UBE4A: variants seen among roughly 807,000 people sequenced by gnomAD.
UBE4A encodes ubiquitination factor E4A, also known as ubiquitin conjugation factor E4 A.
UBE4A carries 48 observed loss-of-function variants against 117.9 expected under a neutral mutation model. The ratio of observed to expected loss-of-function variants is 0.41; its 90% CI spans 0.32 to 0.52. UBE4A has a LOEUF of 0.52. Among genes scored for constraint, UBE4A ranks in the 20% least tolerant of loss-of-function variants. The pLI, the probability that UBE4A is intolerant of heterozygous loss-of-function variation, is 0.33. For synonymous variants in UBE4A, 407 were observed against 450.0 expected, an observed-to-expected ratio of 0.90 and a Z score of 1.21; for missense variants, 1,067 against 1,296.3, an observed-to-expected ratio of 0.82 and a Z score of 2.72.
At chr11:118,389,486 CAG>C (rs1555127844) in intron 16 of UBE4A, among the ~76,000 whole-genome samples, 1 of 152,146 alleles carries the variant, frequency 6.6e-6, no homozygotes, top group Non-Finnish European at 1.5e-5. Context: ...AAGATGTTAA[CAG>C]TGTTTATCTC....
chr11:118,375,031 G>T lies in UBE4A; in HGVS notation c.1252G>T (p.Ala418Ser). 6.2e-7 allele frequency: 1 copy of T among 1,614,154 alleles called. No individual in the cohort carries two copies. The highest frequency in any genetic ancestry group is 8.5e-7 in the Non-Finnish European group (1 of 1,179,996). Residue 418 changes from alanine (A) to serine (S), a missense_variant, in exon 9 of 20, where the codon GCC becomes TCC. Around this residue, in one of 3 missense-constraint regions of UBE4A, gnomAD observed 1,001 missense variants for 1,184.0 expected, o/e 0.85. Transcript: ENST00000252108. ...AAATGCAGGCCGCACCAAGATTTGGGCCAATCAGATGCCAGAAATCTTTTT... is the reference window on the plus strand; with the variant it reads ...AAATGCAGGCCGCACCAAGATTTGGTCCAATCAGATGCCAGAAATCTTTTT... ...HANAGRTKIW[A>S]NQMPEIFFQM...
At position 118,396,364 on chromosome 11, in the gene UBE4A, G is replaced by A. The variant is rs141017463; in HGVS notation, c.3125G>A (p.Arg1042Gln). ...AGTCCCCTCACCATGGACCAGATCC[G>A]GCCAAACACAGAACTAAAAGAAAAA... ...NRSPLTMDQI[R>Q]PNTELKEKIQ... is the part of the protein sequence containing the mutation. The change falls in exon 20 of 20, where the codon CGG becomes CAG. Residue 1042 changes from arginine (R) to glutamine (Q), a missense_variant. By Grantham distance (43) the Arg-to-Gln change is conservative. This residue lies in a region of UBE4A where 32 missense variants were observed against 34.5 expected (regional missense o/e 0.93). Transcript: ENST00000252108. The A allele has an allele frequency of 5.3e-5, 85 of 1,613,718 alleles. No individual in the cohort carries two copies. The highest frequency in any genetic ancestry group is 3.2e-4 in the African/African-American group (24 of 74,950).
intron 19 of UBE4A, among the ~76,000 whole-genome samples, chr11:118,393,138 C>T (rs45439496): frequency 4.6e-5 from 7 of 152,080 alleles, no homozygotes; most frequent in Admixed American, 2.6e-4. Flanking sequence ...AATTTCTGGC[C>T]GGGTGCAGTG....
chr11:118,371,531 A>C lies in UBE4A; in HGVS notation c.426A>C (p.Leu142Phe). ...CTTTATAGGCCCTCTTCGCTCGCTT[A>C]TTACTTCAAGATCCAGGCAACCACT... ...SNVEQALFAR[L>F]LLQDPGNHLI... The change falls in exon 5 of 20, where the codon TTA becomes TTC. Residue 142 changes from leucine (L) to phenylalanine (F), a missense_variant. Physicochemically the swap from Leu to Phe is conservative, Grantham distance 22. Around this residue, in one of 3 missense-constraint regions of UBE4A, gnomAD observed 1,001 missense variants for 1,184.0 expected, o/e 0.85. Transcript: ENST00000252108. 1 of 1,612,834 alleles carries C rather than the reference A, an allele frequency of 6.2e-7. No individual in the cohort carries two copies. Among genetic ancestry groups the C allele is most frequent in the South Asian group, 1.1e-5 (1 of 90,976 alleles).
At chr11:118,372,823 T>C in intron 6 of UBE4A, 157 bp downstream of exon 6, 7 of 1,149,688 alleles carry the variant, frequency 6.1e-6, no homozygotes, top group South Asian at 1.5e-5. Context: ...ACCAATAGAA[T>C]AAAGCTGGGC....
rs35460113 is a variant in UBE4A, at chr11:118,386,587, C to T, written c.2562C>T (p.Ile854=). The T allele has an allele frequency of 0.017, 27,234 of 1,583,156 alleles. 301 individuals carry two copies. The highest frequency in any genetic ancestry group is 0.02 in the Non-Finnish European group (23,914 of 1,168,732). ...ATAACATCATGTCCAATGAAACAATCGGTACCCTTGCCTTTCTCACATCAG... is the reference window on the plus strand; with the variant it reads ...ATAACATCATGTCCAATGAAACAATTGGTACCCTTGCCTTTCTCACATCAG... ...RFHNIMSNET[I]GTLAFLTSEI... Residue 854 remains isoleucine (I), a synonymous_variant, in exon 16 of 20, where the codon ATC becomes ATT. Coordinates refer to ENST00000252108, the MANE Select transcript of UBE4A (RefSeq NM_001204077.2).
At chr11:118,364,088 T>C (rs938106880) in intron 1 of UBE4A, among the ~76,000 whole-genome samples, 2 of 152,132 alleles carry the variant, frequency 1.3e-5, no homozygotes, top group African/African-American at 4.8e-5. Flanking sequence ...ACCCTTTGTC[T>C]CTTCCCACCC....
chr11:118,389,893 A>C lies in UBE4A; in HGVS notation c.2756A>C (p.Tyr919Ser), dbSNP rs1555127947. ...CTTGTATCAGATATCTGCACTATCT[A>C]CTTAAATCTTGGGTACCTGAGATTG... Reference protein sequence around the residue: ...QQLVSDICTIYLNLGDEENFC... With the variant: ...QQLVSDICTISLNLGDEENFC... The change falls in exon 17 of 20, where the codon TAC becomes TCC. Residue 919 changes from tyrosine to serine, a missense_variant. Physicochemically the swap from Tyr to Ser is moderately radical, Grantham distance 144. Coordinates refer to ENST00000252108, the MANE Select transcript of UBE4A (RefSeq NM_001204077.2). 3 of 1,589,474 alleles carry C rather than the reference A, an allele frequency of 1.9e-6. No homozygotes were observed. In the Admixed American group the frequency reaches 5.0e-5, roughly 27 times the overall value.
chr11:118,375,539 T>C (rs1555125254), intron 9 of UBE4A, among the ~76,000 whole-genome samples: 1 of 151,604 alleles, frequency 6.6e-6, no homozygotes, highest in African/African-American at 2.4e-5. Flanking sequence ...TTGTGTATTT[T>C]TAATAGAGAC....
rs782759362 is a variant in UBE4A at position 118,384,825 on chromosome 11, C to T, written c.2299-7C>T. ...AAAATGGTTTTCTTGTGGGCTGGGA[C>T]TTACAGGATTTGGCTGACTATGCCT... On this transcript the variant is annotated splice_region_variant and splice_polypyrimidine_tract_variant and intron_variant, in intron 14 of 19. Transcript: ENST00000252108. 22 of 1,613,004 alleles carry T rather than the reference C, an allele frequency of 1.4e-5. No homozygotes were observed. The highest frequency in any genetic ancestry group is 5.0e-5 in the Admixed American group (3 of 59,898).
chr11:118,373,792 C>G, intron 8 of UBE4A, 107 bp downstream of exon 8: 2 of 1,324,354 alleles, frequency 1.5e-6, no homozygotes, highest in Non-Finnish European at 2.0e-6. Context: ...GCAAATTGAT[C>G]TAGTTGGCTT....
intron 13 of UBE4A, among the ~76,000 whole-genome samples, chr11:118,383,694 G>A (rs1160349424): frequency 2.0e-5 from 3 of 150,264 alleles, no homozygotes; most frequent in Admixed American, 2.0e-4. Flanking sequence ...CAGTAAATAA[G>A]ATATGTTAAG....
At chr11:118,369,669 A>C in intron 4 of UBE4A, 134 bp downstream of exon 4, 1 of 605,722 alleles carries the variant, frequency 1.7e-6, no homozygotes, top group East Asian at 2.9e-5. Context: ...TTTTTTTACC[A>C]GTAGAAGGCC....
In UBE4A at chr11:118,384,947, T is replaced by TTTA; in HGVS notation, c.2412+2_2412+3insTTA. On this transcript the variant is annotated splice_region_variant and intron_variant, in intron 15 of 19. Coordinates refer to ENST00000252108, the MANE Select transcript of UBE4A (RefSeq NM_001204077.2). ...TTCCTTTTGGATGAAGCCATACAGGTAAAAAAAAAAAAAAAAAAAAAGATT... is the reference window on the plus strand; with the variant it reads ...TTCCTTTTGGATGAAGCCATACAGGTTTAAAAAAAAAAAAAAAAAAAAAAGATT... The TTTA allele has an allele frequency of 9.4e-7, 1 of 1,066,278 alleles. No individual in the cohort carries two copies. Among genetic ancestry groups the TTTA allele is most frequent in the Non-Finnish European group, 1.3e-6 (1 of 774,994 alleles). The allele number at this position is 1,066,278 out of a possible 1,614,324, so 66.1% of individuals were successfully genotyped here.
At position 118,396,301 on chromosome 11, in the gene UBE4A, C is replaced by G. The variant is rs782209972; in HGVS notation, c.3075-13C>G. ...TGGAAATAACCCTATTTCCCTTTCT[C>G]TCTTTGTCCCAGTGACCAAACAGAT... On this transcript the variant is annotated splice_polypyrimidine_tract_variant and intron_variant, in intron 19 of 19. Coordinates refer to ENST00000252108, the MANE Select transcript of UBE4A (RefSeq NM_001204077.2). 1.2e-6 allele frequency: 2 copies of G among 1,608,192 alleles called. No individual in the cohort carries two copies. The highest frequency in any genetic ancestry group is 1.7e-6 in the Non-Finnish European group (2 of 1,178,056).
intron 2 of UBE4A, among the ~76,000 whole-genome samples, chr11:118,367,518 C>CTT (rs36110679): frequency 1.5e-4 from 19 of 123,286 alleles, no homozygotes; most frequent in Non-Finnish European, 1.7e-4. Context: ...TAAATGTTAA[C>CTT]TTTTTTTTTT....
intron 11 of UBE4A, 48 bp from the exon 12 acceptor site, chr11:118,381,343 C>A: frequency 6.2e-7 from 1 of 1,606,086 alleles, no homozygotes. Flanking sequence ...TTTATTAGTA[C>A]AGATATACAG....
chr11:118,381,401 A>C lies in UBE4A; in HGVS notation c.1887A>C (p.Ala629=). Residue 629 remains alanine, a synonymous_variant, in exon 12 of 20, where the codon GCA becomes GCC. Transcript: ENST00000252108. ...TATTTTCTTTTTCAGAATTTTTTGC[A>C]GATAACCTGGGTGATTTTCTCATTT... is the stretch of plus-strand genomic sequence containing the variant. ...SSLAYVPEFF[A]DNLGDFLIFL... is the part of the protein sequence containing the mutation. 3.1e-6 allele frequency: 5 copies of C among 1,613,902 alleles called. No individual in the cohort carries two copies. The highest frequency in any genetic ancestry group is 3.4e-6 in the Non-Finnish European group (4 of 1,179,892).
At chr11:118,373,404 T>C in intron 7 of UBE4A, 90 bp from the exon 8 acceptor site, 6 of 1,520,546 alleles carry the variant, frequency 3.9e-6, no homozygotes, top group Non-Finnish European at 5.3e-6. Flanking sequence ...AGCTTGGTTG[T>C]TGTATCAACT....
Sources: allele counts gnomAD v4.1 joint callset (sites outside exome capture counted in the v4.1 genomes callset), GRCh38; gene constraint gnomAD v4.1.1; regional missense constraint gnomAD v4.1.1; transcripts MANE v1.5; gene names NCBI Gene and HGNC (gene_info 2026-07-23, HGNC 2026-07-21).